The following PPWD1 variants were observed in gnomAD, a reference collection of about 807,000 sequenced individuals.
The protein encoded by PPWD1 is peptidylprolyl isomerase domain and WD repeat-containing protein 1.
Under a neutral mutation model 68.8 loss-of-function variants are expected in PPWD1, and 43 were observed. That is an observed-to-expected ratio of 0.62 (90% confidence interval 0.49 to 0.81). The LOEUF (loss-of-function observed/expected upper bound fraction) is 0.81. Ranked by LOEUF, PPWD1 falls within the 30% of genes least tolerant of loss-of-function variation. PPWD1 has a pLI of 0.00. For missense variants in PPWD1, 672 were observed against 804.8 expected (o/e 0.83, Z 2.00); for synonymous variants, 232 against 258.7 (o/e 0.90, Z 0.99).
intron 2 of PPWD1, 167 bp from the exon 3 acceptor site, chr5:65,569,465 C>A: frequency 1.6e-6 from 1 of 643,146 alleles, no homozygotes. Flanking sequence ...AAAGGAGTTT[C>A]AAAATTTGCA....
At chr5:65,581,495 A>C (rs1015093160) in intron 7 of PPWD1, among the ~76,000 whole-genome samples, 3 of 152,302 alleles carry the variant, frequency 2.0e-5, no homozygotes, top group Non-Finnish European at 4.4e-5. Context: ...CTGATGTGGT[A>C]GGATCTCTTG....
At chr5:65,572,730 A>G (rs979862500) in intron 5 of PPWD1, among the ~76,000 whole-genome samples, 17 of 152,136 alleles carry the variant, frequency 1.1e-4, no homozygotes, top group Non-Finnish European at 2.2e-4. Context: ...TGCTCAAACC[A>G]GAAATCTAAG....
At chr5:65,565,029 TG>T (rs1388434383) in intron 1 of PPWD1, among the ~76,000 whole-genome samples, 1 of 152,256 alleles carries the variant, frequency 6.6e-6, no homozygotes, top group Non-Finnish European at 1.5e-5. Context: ...TTGAAGAAGC[TG>T]TTTTTTTGAA....
At chr5:65,577,825 C>T (rs1403329427) in intron 6 of PPWD1, among the ~76,000 whole-genome samples, 1 of 152,188 alleles carries the variant, frequency 6.6e-6, no homozygotes, top group African/African-American at 2.4e-5. Flanking sequence ...ATAGCCTCCC[C>T]ATTATCAACG....
At position 65,567,536 on chromosome 5, in the gene PPWD1, CT is replaced by C. The variant is rs751976574; in HGVS notation, c.222del (p.Asp75IlefsTer45). 11 of 1,610,820 alleles carry C rather than the reference CT, an allele frequency of 6.8e-6. No homozygotes were observed. The highest frequency in any genetic ancestry group is 1.3e-5 in the African/African-American group (1 of 74,710). The stretch of plus-strand genomic sequence containing the variant: ...AGTCTTAGAGTTTGAAAGAGTCTAT[CT>C]TGATAATCTCCCCAGTGCATCCATG... ...RKVLEFERVY[L>X]DNLPSASMYE... On this transcript the variant is annotated frameshift_variant, in exon 2 of 11. Transcript: ENST00000261308. LOFTEE classifies it high-confidence loss of function.
At chr5:65,568,994 G>A in intron 2 of PPWD1, 1 of 455,658 alleles carries the variant, frequency 2.2e-6, no homozygotes, top group Non-Finnish European at 4.4e-6. Context: ...ATGGACCTGA[G>A]GCAAGTACAT....
chr5:65,574,717 C>T (rs989792362), intron 5 of PPWD1, among the ~76,000 whole-genome samples: 4 of 152,158 alleles, frequency 2.6e-5, no homozygotes, highest in Admixed American at 6.5e-5. Flanking sequence ...CCCGCCTCGG[C>T]CTCCCAAAGT....
Position 65,572,029 on chromosome 5 carries a change from G to A in PPWD1, c.712G>A (p.Val238Ile). The A allele has an allele frequency of 6.2e-7, 1 of 1,614,080 alleles. No homozygotes were observed. The highest frequency in any genetic ancestry group is 2.2e-5 in the East Asian group (1 of 44,880). Residue 238 changes from valine to isoleucine, a missense_variant, in exon 5 of 11, where the codon GTA becomes ATA. By Grantham distance (29) the Val-to-Ile change is conservative. Transcript: ENST00000261308. ...ACGGCTAAACCCAGTTTACAAAGCA[G>A]TAGTGTCTTCTGACAAATCTGGGAT... is the stretch of plus-strand genomic sequence containing the variant. ...QIRLNPVYKAVVSSDKSGMIE... is the reference protein window; with the variant it reads ...QIRLNPVYKAIVSSDKSGMIE...
In PPWD1 at chr5:65,567,605, G is replaced by T; in HGVS notation, c.289G>T (p.Val97Leu). The change falls in exon 2 of 11, where the codon GTA (valine) becomes TTA (leucine). Residue 97 changes from valine to leucine, a missense_variant. Around this residue, in one of 2 missense-constraint regions of PPWD1, gnomAD observed 188 missense variants for 158.6 expected, o/e 1.19. Coordinates refer to ENST00000261308, the MANE Select transcript of PPWD1 (RefSeq NM_015342.4). ...YMHRDVITHV[V>L]CTKTDFIITA... ...GCATAGAGATGTTATCACCCATGTG[G>T]TATGCACCAAGTAAGTCTATCACAT... 6.3e-7 allele frequency: 1 copy of T among 1,599,826 alleles called. No homozygotes were observed. The highest frequency in any genetic ancestry group is 8.5e-7 in the Non-Finnish European group (1 of 1,172,172).
chr5:65,586,902 C>T (rs1336930874), intron 10 of PPWD1, among the ~76,000 whole-genome samples: 1 of 152,104 alleles, frequency 6.6e-6, no homozygotes, highest in Admixed American at 6.6e-5. Context: ...TTCAAACTGC[C>T]TCTGAATAAA....
chr5:65,583,441 T>C (rs947681217), intron 8 of PPWD1: 4 of 368,006 alleles, frequency 1.1e-5, no homozygotes, highest in African/African-American at 4.2e-5. Flanking sequence ...GAGGACAAAA[T>C]GTATTGGCTA....
chr5:65,578,128 C>T (rs577319927), intron 6 of PPWD1, among the ~76,000 whole-genome samples: 23 of 152,316 alleles, frequency 1.5e-4, no homozygotes, highest in African/African-American at 4.6e-4. Flanking sequence ...TGGCTCCTTT[C>T]GGTAATATGC....
At chr5:65,563,770 A>G in intron 1 of PPWD1, 12 of 1,475,296 alleles carry the variant, frequency 8.1e-6, no homozygotes, top group Non-Finnish European at 1.1e-5. Flanking sequence ...TCCTATTCTT[A>G]TGTGTTTGGC....
At chr5:65,573,386 G>A (rs1753102963) in intron 5 of PPWD1, among the ~76,000 whole-genome samples, 1 of 147,132 alleles carries the variant, frequency 6.8e-6, no homozygotes, top group African/African-American at 2.5e-5. Flanking sequence ...TCCGCCCCCT[G>A]GGTTCAAGCG....
chr5:65,573,497 GTTT>G (rs199517260), intron 5 of PPWD1, among the ~76,000 whole-genome samples: 1 of 25,872 alleles, frequency 3.9e-5, no homozygotes, highest in African/African-American at 1.2e-4. Context: ...TTAGAGATGG[GTTT>G]TTTTTAGTAC....
At position 65,569,612 on chromosome 5, in the gene PPWD1, T is replaced by C; in HGVS notation, c.300-20T>C. The C allele has an allele frequency of 6.5e-7, 1 of 1,548,744 alleles. No individual in the cohort carries two copies. The highest frequency in any genetic ancestry group is 8.8e-7 in the Non-Finnish European group (1 of 1,133,068). ...ATAGATCTGTCTTAGAAATTAACTTTTAACATTTCATATATGCAGAACAGA... is the reference window on the plus strand; with the variant it reads ...ATAGATCTGTCTTAGAAATTAACTTCTAACATTTCATATATGCAGAACAGA... On this transcript the variant is annotated intron_variant, in intron 2 of 10. Coordinates refer to ENST00000261308, the MANE Select transcript of PPWD1 (RefSeq NM_015342.4).
rs759061607 is a variant in PPWD1 at position 65,579,483 on chromosome 5, A to G, written c.1220A>G (p.Gln407Arg). The part of the protein sequence containing the change: ...NIRVMQLALF[Q>R]GIAKKHRAAT... ...AGAGTGATGCAATTGGCTTTGTTCC[A>G]GGGGATAGCCAAAAAGCATCGTGCT... is the stretch of plus-strand genomic sequence containing the variant. Residue 407 changes from glutamine to arginine, a missense_variant, in exon 7 of 11, where the codon CAG becomes CGG. By Grantham distance (43) the Gln-to-Arg change is conservative. Around this residue, in one of 2 missense-constraint regions of PPWD1, gnomAD observed 484 missense variants for 646.2 expected, o/e 0.75. Transcript: ENST00000261308. The G allele has an allele frequency of 6.2e-7, 1 of 1,606,950 alleles. No homozygotes were observed. The highest frequency in any genetic ancestry group is 8.5e-7 in the Non-Finnish European group (1 of 1,177,622).
At chr5:65,570,891 G>A (rs1283683316) in intron 4 of PPWD1, among the ~76,000 whole-genome samples, 4 of 151,956 alleles carry the variant, frequency 2.6e-5, no homozygotes, top group African/African-American at 9.7e-5. Flanking sequence ...CCAACTGATG[G>A]AATTCCAACT....
chr5:65,563,826 G>C, intron 1 of PPWD1: 4 of 1,503,596 alleles, frequency 2.7e-6, no homozygotes, highest in Non-Finnish European at 2.7e-6. Context: ...TTGGAATTTC[G>C]AACTCTTATT....
Sources: gnomAD v4.1 joint callset for allele counts (sites outside exome capture counted in the v4.1 genomes callset) on GRCh38, gnomAD v4.1.1 for gene constraint, gnomAD v4.1.1 regional missense constraint, MANE v1.5 for transcripts, NCBI Gene and HGNC (gene_info 2026-07-23, HGNC 2026-07-21) for gene names.